Variants in RNF32 observed in about 807,000 individuals in gnomAD.
RNF32 encodes ring finger protein 32.
RNF32 carries 36 observed loss-of-function variants against 41.0 expected under a neutral mutation model. The observed-to-expected ratio is 0.88, with a 90% confidence interval of 0.67 to 1.16. The LOEUF (loss-of-function observed/expected upper bound fraction) is 1.16, where lower values mean the gene tolerates loss of function less well. Among genes scored for constraint, RNF32 ranks in the 50% most tolerant of loss-of-function variants. The pLI is 0.00. For synonymous variants in RNF32, 154 were observed against 160.9 expected, an observed-to-expected ratio of 0.96 and a Z score of 0.32; for missense variants, 413 against 436.7, an observed-to-expected ratio of 0.95 and a Z score of 0.48.
rs79950079 is a variant in RNF32, at chr7:156,675,787, G to A, written c.776G>A (p.Arg259Gln). 3.3e-3 allele frequency: 5,355 copies of A among 1,614,052 alleles called. 159 individuals carry two copies. In the African/African-American group the frequency reaches 0.064, roughly 19 times the overall value. ...ATCGATCAGTGCTTGGCCATAAATC[G>A]AAGTGTTCTTCAGCAGTTGGAAGAA... is the stretch of plus-strand genomic sequence containing the variant. ...AEIDQCLAIN[R>Q]SVLQQLEEKC... The change falls in exon 8 of 9, where the codon CGA (arginine) becomes CAA (glutamine). Residue 259 changes from arginine (R) to glutamine (Q), a missense_variant. Transcript: ENST00000317955.
intron 7 of RNF32, among the ~76,000 whole-genome samples, chr7:156,672,411 A>C (rs1802750361): frequency 6.6e-6 from 1 of 152,230 alleles, no homozygotes; most frequent in Non-Finnish European, 1.5e-5. Context: ...ACTGAGGCAG[A>C]AGGAGGCAAT....
At chr7:156,665,981 T>C (rs1291509427) in intron 7 of RNF32, among the ~76,000 whole-genome samples, 1 of 152,354 alleles carries the variant, frequency 6.6e-6, no homozygotes, top group East Asian at 1.9e-4. Context: ...TTCACTCCAC[T>C]GAATTTATTC....
chr7:156,657,515 A>G (rs772707840), intron 4 of RNF32, 26 bp from the exon 5 acceptor site: 5 of 1,613,560 alleles, frequency 3.1e-6, no homozygotes, highest in Admixed American at 1.7e-5. Context: ...GTAAACTTCA[A>G]CGTCGTTCTG....
In RNF32 at chr7:156,658,245, G is replaced by A; in HGVS notation, c.568G>A (p.Val190Met). Reference sequence around the variant, plus strand: ...GGCCCGCCTGTTCAGAATCAAGTGTGTGACCAGGTGAGGACGCCAGGCCCG... The same window carrying A: ...GGCCCGCCTGTTCAGAATCAAGTGTATGACCAGGTGAGGACGCCAGGCCCG... ...DGARLFRIKC[V>M]TRIQAYWRGC... The change falls in exon 6 of 9, where the codon GTG becomes ATG. Residue 190 changes from valine (V) to methionine (M), a missense_variant. Transcript: ENST00000317955. 6.2e-7 allele frequency: 1 copy of A among 1,614,026 alleles called. No individual in the cohort carries two copies. The highest frequency in any genetic ancestry group is 8.5e-7 in the Non-Finnish European group (1 of 1,179,992).
In RNF32 at chr7:156,675,832, C is replaced by T. The variant is rs755524606; in HGVS notation, c.821C>T (p.Thr274Ile). The T allele has an allele frequency of 5.6e-6, 9 of 1,613,954 alleles. No homozygotes were observed. In the South Asian group the frequency reaches 8.8e-5, roughly 16 times the overall value. Residue 274 changes from threonine (T) to isoleucine (I), a missense_variant, in exon 8 of 9, where the codon ACA becomes ATA. Transcript: ENST00000317955. ...GAAGAAAAATGTGGCCATGAGATCA[C>T]AGAAGAGGAATGGGAGAAAATCCAA... ...QLEEKCGHEITEEEWEKIQVQ... is the reference protein window; with the variant it reads ...QLEEKCGHEIIEEEWEKIQVQ...
chr7:156,655,013 G>A (rs1244023814), intron 4 of RNF32: 1 of 224,238 alleles, frequency 4.5e-6, no homozygotes, highest in Non-Finnish European at 8.7e-6. Context: ...GGGCTTCCCA[G>A]GAGCAGCTGT....
chr7:156,640,216 G>C (rs1407234620), upstream of RNF32: 6 of 452,746 alleles, frequency 1.3e-5, no homozygotes, highest in Non-Finnish European at 1.8e-5. Flanking sequence ...GGGGGGATCG[G>C]GGGATCCCCC....
chr7:156,650,233 CAA>C (rs1322547427), intron 3 of RNF32, among the ~76,000 whole-genome samples: 1 of 152,206 alleles, frequency 6.6e-6, no homozygotes, highest in African/African-American at 2.4e-5. Context: ...TGCATGGACA[CAA>C]GAGGGTGCAC....
chr7:156,673,082 A>AC (rs753937112), intron 7 of RNF32, among the ~76,000 whole-genome samples: 2 of 152,208 alleles, frequency 1.3e-5, no homozygotes, highest in Non-Finnish European at 2.9e-5. Flanking sequence ...GAGAATAAAC[A>AC]CCCAGATCAT....
Position 156,658,520 on chromosome 7 carries a change from A to T in RNF32, c.634A>T (p.Thr212Ser). ...VRKWYRNLRK[T>S]VPPTDAKLRK... ...AAAGTGGTACAGAAACCTGAGGAAA[A>T]CAGTACCTCCCACAGATGCCAAGTT... Residue 212 changes from threonine to serine, a missense_variant, in exon 7 of 9, where the codon ACA becomes TCA. By Grantham distance (58) the Thr-to-Ser change is moderately conservative. Transcript: ENST00000317955. 1 of 1,614,028 alleles carries T rather than the reference A, an allele frequency of 6.2e-7. No homozygotes were observed. Among genetic ancestry groups the T allele is most frequent in the Non-Finnish European group, 8.5e-7 (1 of 1,179,858 alleles).
At chr7:156,653,893 T>C (rs1479104158) in intron 3 of RNF32, among the ~76,000 whole-genome samples, 1 of 152,202 alleles carries the variant, frequency 6.6e-6, no homozygotes, top group African/African-American at 2.4e-5. Flanking sequence ...GAGGCAGTGC[T>C]GAAGGCTGAG....
In RNF32 at chr7:156,670,507, TGAA is replaced by T. The variant is rs59634659; in HGVS notation, c.685-5183_685-5181del. Among the ~76,000 whole-genome samples, 676 of 152,294 alleles carry T rather than the reference TGAA, an allele frequency of 4.4e-3. 3 individuals carry two copies. The highest frequency in any genetic ancestry group is 0.024 in the Middle Eastern group (7 of 294). ...ACAAAGGCTAAGAATTTTCCAGATC[TGAA>T]GAAGATACAAGCCACAGATTTAAGA... On this transcript the variant is annotated intron_variant, in intron 7 of 8. Coordinates refer to ENST00000317955, the MANE Select transcript of RNF32 (RefSeq NM_030936.4). This position sits in a 1 kb window ranked among gnomAD's most constrained non-coding sequence, Gnocchi z 4.3.
At chr7:156,642,953 A>T (rs956121775) in intron 1 of RNF32, 6 of 152,222 alleles carry the variant, frequency 3.9e-5, no homozygotes, top group Non-Finnish European at 8.8e-5. Context: ...TACTTGAATA[A>T]CTTTCTATTT....
chr7:156,644,623 A>G lies in RNF32; in HGVS notation c.140A>G (p.Lys47Arg). The G allele has an allele frequency of 6.2e-7, 1 of 1,613,794 alleles. No homozygotes were observed. Among genetic ancestry groups the G allele is most frequent in the Non-Finnish European group, 8.5e-7 (1 of 1,179,712 alleles). Residue 47 changes from lysine (K) to arginine (R), a missense_variant, in exon 3 of 9, where the codon AAA (lysine) becomes AGA (arginine). Coordinates refer to ENST00000317955, the MANE Select transcript of RNF32 (RefSeq NM_030936.4). ...CATTCTAAGACACAAGTACAAAAGA[A>G]AGAGAACAAATCTCTAAAAAGAGAT... ...ADHSKTQVQKKENKSLKRDTK... is the reference protein window; with the variant it reads ...ADHSKTQVQKRENKSLKRDTK...
In RNF32 at chr7:156,644,637, C is replaced by T; in HGVS notation, c.154C>T (p.Leu52=). The change falls in exon 3 of 9, where the codon CTA becomes TTA. Residue 52 remains leucine (L), a synonymous_variant. Transcript: ENST00000317955. ...TQVQKKENKS[L]KRDTKAIIDT... is the part of the protein sequence containing the mutation. The stretch of plus-strand genomic sequence containing the variant: ...AGTACAAAAGAAAGAGAACAAATCT[C>T]TAAAAAGAGATACAAAGGCAATAAT... 2 of 1,613,502 alleles carry T rather than the reference C, an allele frequency of 1.2e-6. No homozygotes were observed. The highest frequency in any genetic ancestry group is 1.7e-6 in the Non-Finnish European group (2 of 1,179,616).
intron 4 of RNF32, among the ~76,000 whole-genome samples, chr7:156,656,564 T>C (rs1040588926): frequency 3.9e-5 from 6 of 152,254 alleles, no homozygotes; most frequent in African/African-American, 1.4e-4. Context: ...TTCTGAGTTC[T>C]AGTTATTTCT....
At chr7:156,646,009 T>C (rs1469170344) in intron 3 of RNF32, among the ~76,000 whole-genome samples, 2 of 152,236 alleles carry the variant, frequency 1.3e-5, no homozygotes, top group East Asian at 1.9e-4. Context: ...TCATGGCTGA[T>C]TGAAATTCTT....
chr7:156,674,808 G>C (rs1371470076), intron 7 of RNF32, among the ~76,000 whole-genome samples: 1 of 152,202 alleles, frequency 6.6e-6, no homozygotes, highest in Non-Finnish European at 1.5e-5. Context: ...AACTTAATGT[G>C]ACTGCCAGAA....
At chr7:156,661,565 C>A (rs1800680287) in intron 7 of RNF32, among the ~76,000 whole-genome samples, 1 of 152,206 alleles carries the variant, frequency 6.6e-6, no homozygotes, top group Admixed American at 6.5e-5. Flanking sequence ...AGGTGATCTG[C>A]CTGCCTTGGC....
Sources: gnomAD v4.1 joint callset for allele counts (sites outside exome capture counted in the v4.1 genomes callset) on GRCh38, gnomAD v4.1.1 for gene constraint, Gnocchi (gnomAD v3.1) non-coding constraint, MANE v1.5 for transcripts, NCBI Gene and HGNC (gene_info 2026-07-23, HGNC 2026-07-21) for gene names.